SHISA9: variants seen among roughly 807,000 people sequenced by gnomAD.
SHISA9 encodes the protein shisa family member 9.
A neutral mutation model predicts 38.0 loss-of-function variants in SHISA9; 13 were observed. The observed-to-expected ratio is 0.34, with a 90% CI of 0.22 to 0.54. The LOEUF (loss-of-function observed/expected upper bound fraction) is 0.54. Among genes scored for constraint, SHISA9 ranks in the 20% least tolerant of loss-of-function variants. SHISA9 has a pLI of 0.91. For missense variants in SHISA9, 538 were observed against 575.8 expected (o/e 0.93, Z 0.67); for synonymous variants, 275 against 242.0 (o/e 1.14, Z -1.27).
the SHISA9 span, among the ~76,000 whole-genome samples, chr16:13,360,887 G>T: frequency 6.6e-6 from 1 of 152,190 alleles, no homozygotes; most frequent in Non-Finnish European, 1.5e-5. Flanking sequence ...CTGGTAAGAT[G>T]ATCTCTGGTT....
intron 2 of SHISA9, among the ~76,000 whole-genome samples, chr16:13,069,447 TACAC>T (rs1156824807): frequency 6.6e-6 from 1 of 150,422 alleles, no homozygotes; most frequent in African/African-American, 2.5e-5. Flanking sequence ...TATGTGTGTG[TACAC>T]ACAAAGTATG....
the SHISA9 span, among the ~76,000 whole-genome samples, chr16:13,296,219 T>G: frequency 6.7e-6 from 1 of 149,116 alleles, no homozygotes; most frequent in Non-Finnish European, 1.5e-5. Flanking sequence ...GCTTTTTTGT[T>G]TTTTTTTTTT....
chr16:13,508,565 G>A, the SHISA9 span, among the ~76,000 whole-genome samples: 2 of 152,090 alleles, frequency 1.3e-5, no homozygotes, highest in African/African-American at 4.8e-5. Context: ...CAATAGCGTT[G>A]CCAGCATTAA....
At chr16:13,486,402 G>C in the SHISA9 span, among the ~76,000 whole-genome samples, 1 of 152,162 alleles carries the variant, frequency 6.6e-6, no homozygotes, top group Non-Finnish European at 1.5e-5. Context: ...AATAATCCTA[G>C]TACCCTACTT....
chr16:13,108,092 G>T (rs1460273240), intron 2 of SHISA9, among the ~76,000 whole-genome samples: 1 of 151,922 alleles, frequency 6.6e-6, no homozygotes. Context: ...GGAGGGTAAG[G>T]TGTTGTTAAG....
the SHISA9 span, among the ~76,000 whole-genome samples, chr16:13,256,545 G>A: frequency 6.6e-6 from 1 of 152,222 alleles, no homozygotes; most frequent in Non-Finnish European, 1.5e-5. Flanking sequence ...CTACTAAAGT[G>A]CTGGGATTAC....
chr16:13,086,353 C>CAAAAA (rs767516512), intron 2 of SHISA9, among the ~76,000 whole-genome samples: 54 of 50,794 alleles, frequency 1.1e-3, no homozygotes, highest in African/African-American at 2.3e-3. Context: ...GATTCCATCT[C>CAAAAA]AAAAAAAAAA....
At chr16:13,193,565 C>T (rs920171461) in intron 2 of SHISA9, among the ~76,000 whole-genome samples, 1 of 152,148 alleles carries the variant, frequency 6.6e-6, no homozygotes, top group African/African-American at 2.4e-5. Flanking sequence ...AGGCTGGTCT[C>T]GAACTCCTGA....
At chr16:13,535,499 C>A in the SHISA9 span, among the ~76,000 whole-genome samples, 1 of 152,200 alleles carries the variant, frequency 6.6e-6, no homozygotes, top group Admixed American at 6.5e-5. Context: ...CAGCCAGCAA[C>A]CTGTTCTTGG....
chr16:13,070,545 G>A (rs115217984), intron 2 of SHISA9, among the ~76,000 whole-genome samples: 67 of 152,322 alleles, frequency 4.4e-4, no homozygotes, highest in African/African-American at 1.6e-3. Flanking sequence ...AGCCTGGGAA[G>A]GAATTCCTGT....
rs770958492 is a variant in SHISA9 at position 13,003,889 on chromosome 16, T to TAATAAG, written c.691+87076_691+87077insTAAGAA. Reference sequence around the variant, plus strand: ...ATAATAATAATAATAATAATAATAATAAGAAGAAGAAGAAGAAGAAGTTAC... The same window carrying TAATAAG: ...ATAATAATAATAATAATAATAATAATAATAAGAAGAAGAAGAAGAAGAAGAAGTTAC... On this transcript the variant is annotated intron_variant, in intron 2 of 4. Transcript: ENST00000558583. Among the ~76,000 whole-genome samples, 709 of 145,866 alleles carry TAATAAG rather than the reference T, an allele frequency of 4.9e-3. 2 individuals carry two copies. The highest frequency in any genetic ancestry group is 5.7e-3 in the Non-Finnish European group (380 of 66,786).
At chr16:13,437,398 A>T in the SHISA9 span, among the ~76,000 whole-genome samples, 3 of 152,322 alleles carry the variant, frequency 2.0e-5, no homozygotes, top group South Asian at 6.2e-4. Flanking sequence ...TAAGCACTTT[A>T]AACATATTAA....
the SHISA9 span, among the ~76,000 whole-genome samples, chr16:13,539,350 T>TATAC: frequency 6.1e-5 from 4 of 65,958 alleles, no homozygotes; most frequent in African/African-American, 2.0e-4. Flanking sequence ...TATAAAGATA[T>TATAC]ATATATATAA....
chr16:13,259,280 A>T, the SHISA9 span, among the ~76,000 whole-genome samples: 1 of 152,248 alleles, frequency 6.6e-6, no homozygotes, highest in African/African-American at 2.4e-5. Context: ...TGCAAGAGGT[A>T]GGTTCCCATG....
At chr16:13,226,885 T>C (rs2051284811) in intron 4 of SHISA9, among the ~76,000 whole-genome samples, 1 of 152,176 alleles carries the variant, frequency 6.6e-6, no homozygotes, top group African/African-American at 2.4e-5. Context: ...AGAGTAGAAG[T>C]TGCTAGAATC....
the SHISA9 span, among the ~76,000 whole-genome samples, chr16:13,298,648 C>T: frequency 2.0e-5 from 3 of 152,198 alleles, no homozygotes; most frequent in Admixed American, 2.0e-4. Flanking sequence ...TTCTTCATCA[C>T]CATGCAGTGT....
the SHISA9 span, among the ~76,000 whole-genome samples, chr16:13,262,478 A>G: frequency 6.6e-6 from 1 of 152,064 alleles, no homozygotes; most frequent in Non-Finnish European, 1.5e-5. Context: ...GTTGTATCAC[A>G]CTTGTTGACC....
chr16:13,510,791 G>GTT, the SHISA9 span, among the ~76,000 whole-genome samples: 12 of 148,632 alleles, frequency 8.1e-5, no homozygotes, highest in South Asian at 4.3e-4. Flanking sequence ...AATTTTCTGG[G>GTT]TTTTTTTTTT....
At chr16:13,318,011 T>TG in the SHISA9 span, among the ~76,000 whole-genome samples, 1 of 151,762 alleles carries the variant, frequency 6.6e-6, no homozygotes, top group Non-Finnish European at 1.5e-5. Flanking sequence ...TTTTTTTTTT[T>TG]GATCCACTAT....
Sources: gnomAD v4.1 joint callset for allele counts (sites outside exome capture counted in the v4.1 genomes callset) on GRCh38, gnomAD v4.1.1 for gene constraint, MANE v1.5 for transcripts, NCBI Gene and HGNC (gene_info 2026-07-23, HGNC 2026-07-21) for gene names.